CREB5: variants seen among roughly 807,000 people sequenced by gnomAD.
CREB5 encodes cyclic AMP-responsive element-binding protein 5.
CREB5 carries 19 observed loss-of-function variants against 57.1 expected under a neutral mutation model. That is an observed-to-expected ratio of 0.33 (90% confidence interval 0.23 to 0.49). The LOEUF (loss-of-function observed/expected upper bound fraction) is 0.49. CREB5 is among the 20% of genes least tolerant of loss of function. The pLI, the probability that CREB5 is intolerant of heterozygous loss-of-function variation, is 0.99. For missense variants in CREB5, 579 were observed against 671.6 expected (o/e 0.86, Z 1.52); for synonymous variants, 238 against 238.3 (o/e 1.00, Z 0.01).
Position 28,786,929 on chromosome 7 carries a change from G to A in CREB5, c.703-17270G>A, listed in dbSNP as rs541460727. Among the ~76,000 whole-genome samples, 9 of 152,244 alleles carry A rather than the reference G, an allele frequency of 5.9e-5. No individual in the cohort carries two copies. The East Asian group carries it at 1.7e-3, about 29-fold the overall frequency. On this transcript the variant is annotated intron_variant, in intron 7 of 10. Coordinates refer to ENST00000357727, the MANE Select transcript of CREB5 (RefSeq NM_182898.4). ...TAATTGCTTTTGGAGAACTTCGTAG[G>A]GTTGGAATTATTTGACAGATAACAG...
chr7:28,335,727 TC>T (rs1176098556), intron 1 of CREB5, among the ~76,000 whole-genome samples: 2 of 152,304 alleles, frequency 1.3e-5, no homozygotes, highest in Admixed American at 6.5e-5. Context: ...AGCTAGGACT[TC>T]CAGTACTATG....
rs973357517 is a variant in CREB5, at chr7:28,724,459, T to C, written c.702+127T>C. 1.7e-5 allele frequency: 12 copies of C among 708,816 alleles called. No homozygotes were observed. In the Admixed American group the frequency reaches 2.4e-4, roughly 14 times the overall value. The allele number at this position is 708,816 out of a possible 1,614,324, so 43.9% of individuals were successfully genotyped here. On this transcript the variant is annotated intron_variant, in intron 7 of 10. Transcript: ENST00000357727. ...CTTTGTTTTGGTGAATGAAAGGCAG[T>C]GCAGAGACTGCCTCTCTTTTTGAGG...
chr7:28,479,688 ACCTGGGAATGCCCCAG>A (rs1466645548), intron 1 of CREB5, among the ~76,000 whole-genome samples: 2 of 152,192 alleles, frequency 1.3e-5, no homozygotes, highest in African/African-American at 4.8e-5. Flanking sequence ...TTAGAATACA[ACCTGGGAATGCCCCAG>A]CTTTCTGCTG....
intron 5 of CREB5, among the ~76,000 whole-genome samples, chr7:28,687,092 T>C (rs9690703): frequency 0.086 from 13,022 of 152,170 alleles, 1,360 homozygotes; most frequent in African/African-American, 0.24. Context: ...ATTAAGAATA[T>C]ACTGCAGCTT....
At chr7:28,323,410 A>T (rs1198923096) in intron 1 of CREB5, among the ~76,000 whole-genome samples, 1 of 152,134 alleles carries the variant, frequency 6.6e-6, no homozygotes, top group Non-Finnish European at 1.5e-5. Flanking sequence ...ACCCTGCTTC[A>T]TTCTTCATTG....
intron 1 of CREB5, among the ~76,000 whole-genome samples, chr7:28,337,946 TTAA>T (rs1785859032): frequency 6.6e-6 from 1 of 152,134 alleles, no homozygotes; most frequent in Non-Finnish European, 1.5e-5. Flanking sequence ...TGATGACAAC[TTAA>T]TAATGACTGC....
intron 1 of CREB5, among the ~76,000 whole-genome samples, chr7:28,346,807 T>G (rs1049816056): frequency 6.7e-6 from 1 of 149,604 alleles, no homozygotes; most frequent in Non-Finnish European, 1.5e-5. Flanking sequence ...TGTAAAGGGA[T>G]CTGGGGACTG....
chr7:28,342,020 G>A (rs373980844), intron 1 of CREB5, among the ~76,000 whole-genome samples: 7 of 152,182 alleles, frequency 4.6e-5, no homozygotes, highest in Middle Eastern at 3.2e-3. Context: ...GTGGTTGGAA[G>A]ACAGAATTGT....
In CREB5 at chr7:28,426,325, C is replaced by T. The variant is rs191104868; in HGVS notation, c.3+13408C>T. The stretch of plus-strand genomic sequence containing the variant: ...GGGTTTGGTCCCAGTTTTGTCTGGT[C>T]GCTGAGCTCATACTCTGTCCATTCT... On this transcript the variant is annotated intron_variant, in intron 1 of 10. Coordinates refer to ENST00000357727, the MANE Select transcript of CREB5 (RefSeq NM_182898.4). Among the ~76,000 whole-genome samples, 95 of 152,290 alleles carry T rather than the reference C, an allele frequency of 6.2e-4. No individual in the cohort carries two copies. In the Middle Eastern group the frequency reaches 0.01, roughly 16 times the overall value.
chr7:28,616,583 C>G (rs999532319), intron 5 of CREB5, among the ~76,000 whole-genome samples: 1 of 152,112 alleles, frequency 6.6e-6, no homozygotes, highest in Admixed American at 6.5e-5. Flanking sequence ...GGTCTTGACT[C>G]AACCTCTGGC....
chr7:28,691,419 C>CAAAAAAAA, intron 5 of CREB5, among the ~76,000 whole-genome samples: 1 of 91,994 alleles, frequency 1.1e-5, no homozygotes, highest in Non-Finnish European at 2.2e-5. Context: ...GACTCTGTCT[C>CAAAAAAAA]CAAAAAAAAA....
intron 4 of CREB5, among the ~76,000 whole-genome samples, chr7:28,508,756 C>T (rs1047410926): frequency 3.9e-5 from 6 of 152,108 alleles, no homozygotes; most frequent in African/African-American, 1.2e-4. Context: ...GGTACAAAAT[C>T]TCAGTCAACT....
chr7:28,601,446 G>A (rs945611499), intron 5 of CREB5, among the ~76,000 whole-genome samples: 2 of 152,064 alleles, frequency 1.3e-5, no homozygotes, highest in African/African-American at 4.8e-5. Context: ...TTTGAATCCC[G>A]AACACACCAT....
At chr7:28,700,210 T>C (rs891847367) in intron 5 of CREB5, among the ~76,000 whole-genome samples, 1 of 152,056 alleles carries the variant, frequency 6.6e-6, no homozygotes, top group Admixed American at 6.6e-5. Flanking sequence ...TACCAATATC[T>C]CTCCAACTCA....
intron 5 of CREB5, among the ~76,000 whole-genome samples, chr7:28,718,495 G>A (rs1291702545): frequency 6.6e-6 from 1 of 152,164 alleles, no homozygotes. Flanking sequence ...TTATTGGCTT[G>A]TTTCTATTGA....
chr7:28,690,254 A>C (rs1035574501), intron 5 of CREB5, among the ~76,000 whole-genome samples: 2 of 151,932 alleles, frequency 1.3e-5, no homozygotes, highest in African/African-American at 4.8e-5. Flanking sequence ...GGAGGAGGAG[A>C]GATGGCTTTG....
chr7:28,729,554 G>C (rs1046601803), intron 7 of CREB5, among the ~76,000 whole-genome samples: 39 of 152,192 alleles, frequency 2.6e-4, no homozygotes, highest in Non-Finnish European at 1.5e-5. Flanking sequence ...CTGTCCAACA[G>C]ATAAATCACA....
rs193187832 is a variant in CREB5, at chr7:28,380,056, A to G, written c.-25+80615A>G. Among the ~76,000 whole-genome samples the G allele has an allele frequency of 3.3e-5, 5 of 151,052 alleles. No individual in the cohort carries two copies. The East Asian group carries it at 9.8e-4, about 29-fold the overall frequency. On this transcript the variant is annotated intron_variant, in intron 1 of 9. Coordinates refer to the CREB5 transcript ENST00000396299. Reference sequence around the variant, plus strand: ...TGTGCGCCACCATGCCTGGCTGGAAATCAGTGTTTTAACAAGCAATGTAGG... The same window carrying G: ...TGTGCGCCACCATGCCTGGCTGGAAGTCAGTGTTTTAACAAGCAATGTAGG...
intron 5 of CREB5, among the ~76,000 whole-genome samples, chr7:28,611,672 C>CTAAA (rs111666594): frequency 0.15 from 20,549 of 135,146 alleles, 1,737 homozygotes; most frequent in African/African-American, 0.21. Context: ...ACTCTGTCTC[C>CTAAA]TAAATAAATA....
Sources: gnomAD v4.1 joint callset for allele counts (sites outside exome capture counted in the v4.1 genomes callset) on GRCh38, gnomAD v4.1.1 for gene constraint, MANE v1.5 for transcripts, NCBI Gene and HGNC (gene_info 2026-07-23, HGNC 2026-07-21) for gene names.